NIPBL: variants seen among roughly 807,000 people sequenced by gnomAD.
The protein encoded by NIPBL is nipped-B-like protein.
NIPBL carries 19 observed loss-of-function variants against 321.8 expected under a neutral mutation model. The ratio of observed to expected loss-of-function variants is 0.06; its 90% CI spans 0.04 to 0.09. The LOEUF (loss-of-function observed/expected upper bound fraction) is 0.09, where lower values mean the gene tolerates loss of function less well. NIPBL is among the 10% of genes least tolerant of loss of function. The pLI is 1.00. For synonymous variants in NIPBL, 1,106 were observed against 1,114.1 expected, an observed-to-expected ratio of 0.99 and a Z score of 0.14; for missense variants, 2,210 against 3,327.0, an observed-to-expected ratio of 0.66 and a Z score of 8.26.
intron 1 of NIPBL, among the ~76,000 whole-genome samples, chr5:36,929,425 C>G (rs1749610736): frequency 1.3e-5 from 2 of 152,070 alleles, no homozygotes; most frequent in Non-Finnish European, 2.9e-5. Flanking sequence ...TTCTTGTTCA[C>G]TAGTGAGAGT....
intron 2 of NIPBL, among the ~76,000 whole-genome samples, chr5:36,954,328 T>C (rs1740709559): frequency 6.6e-6 from 1 of 152,220 alleles, no homozygotes; most frequent in South Asian, 2.1e-4. Context: ...CCATGTTCAG[T>C]ATCCTCCAAA....
chr5:37,015,673 G>A (rs201090336), intron 22 of NIPBL, among the ~76,000 whole-genome samples: 10 of 152,240 alleles, frequency 6.6e-5, no homozygotes, highest in Non-Finnish European at 1.2e-4. Flanking sequence ...GAGGGTTGCC[G>A]TAAGCCAAGA....
In NIPBL at chr5:37,008,849, A is replaced by G. The variant is rs114704308; in HGVS notation, c.4421+126A>G. 3,413 of 667,398 alleles carry G rather than the reference A, an allele frequency of 5.1e-3. 24 individuals carry two copies. The highest frequency in any genetic ancestry group is 7.4e-3 in the Non-Finnish European group (2,744 of 369,976). The allele number at this position is 667,398 out of a possible 1,614,324, so 41.3% of individuals were successfully genotyped here. A position where few individuals can be genotyped will look rare whatever the true frequency, so the allele number is the denominator to read the frequency against. On this transcript the variant is annotated intron_variant, in intron 20 of 46. Transcript: ENST00000282516. ...TTAAAAACTAGGCAGTTACATCAGAACAGCATGAAAAATAGATGTGTGAAA... is the reference window on the plus strand; with the variant it reads ...TTAAAAACTAGGCAGTTACATCAGAGCAGCATGAAAAATAGATGTGTGAAA...
At position 37,031,160 on chromosome 5, in the gene NIPBL, A is replaced by G. The variant is rs943655434; in HGVS notation, c.5862+3748A>G. Among the ~76,000 whole-genome samples the G allele has an allele frequency of 2.6e-5, 4 of 151,712 alleles. No homozygotes were observed. The South Asian group carries it at 8.3e-4, about 32-fold the overall frequency. ...CACCACGCCTGGCTAATTTTTTTAT[A>G]TCTTTAGTAGAGACGGGGTTTCACC... is the stretch of plus-strand genomic sequence containing the variant. On this transcript the variant is annotated intron_variant, in intron 32 of 46. Transcript: ENST00000282516.
At chr5:37,056,901 A>T (rs2303158) in intron 42 of NIPBL, among the ~76,000 whole-genome samples, 141 of 152,000 alleles carry the variant, frequency 9.3e-4, no homozygotes, top group South Asian at 2.1e-3. Context: ...TTATAAAATT[A>T]AAAAAAATGG....
chr5:36,968,400 G>A (rs1742477191), intron 6 of NIPBL, among the ~76,000 whole-genome samples: 1 of 151,878 alleles, frequency 6.6e-6, no homozygotes, highest in South Asian at 2.1e-4. Context: ...AAACCCGTGT[G>A]TACTAAAAAT....
At chr5:36,884,108 G>A (rs1745706287) in intron 1 of NIPBL, among the ~76,000 whole-genome samples, 1 of 151,928 alleles carries the variant, frequency 6.6e-6, no homozygotes, top group African/African-American at 2.4e-5. Flanking sequence ...CATGACATAC[G>A]CTTTTATTTA....
At chr5:37,028,409 C>T (rs908407122) in intron 32 of NIPBL, among the ~76,000 whole-genome samples, 14 of 140,974 alleles carry the variant, frequency 9.9e-5, no homozygotes, top group South Asian at 2.2e-4. Context: ...CCATCTTGGC[C>T]GGCTCACTGC....
chr5:36,941,512 C>CAA (rs777774119), intron 1 of NIPBL, among the ~76,000 whole-genome samples: 14 of 91,466 alleles, frequency 1.5e-4, no homozygotes, highest in Admixed American at 5.6e-4. Context: ...AACCCAGAAC[C>CAA]AAAAAAAAAA....
intron 29 of NIPBL, among the ~76,000 whole-genome samples, chr5:37,023,460 C>T (rs942457661): frequency 6.6e-6 from 1 of 152,076 alleles, no homozygotes; most frequent in Non-Finnish European, 1.5e-5. Flanking sequence ...TTGTACCTAC[C>T]TCCATACTTC....
chr5:36,984,834 G>A lies in NIPBL; in HGVS notation c.1654G>A (p.Asp552Asn). 1 of 1,613,822 alleles carries A rather than the reference G, an allele frequency of 6.2e-7. No homozygotes were observed. Among genetic ancestry groups the A allele is most frequent in the Non-Finnish European group, 8.5e-7 (1 of 1,179,848 alleles). Residue 552 changes from aspartate to asparagine, a missense_variant, in exon 10 of 47, where the codon GAC becomes AAC. This residue lies in a region of NIPBL where 588 missense variants were observed against 564.1 expected (regional missense o/e 1.04). Coordinates refer to ENST00000282516, the MANE Select transcript of NIPBL (RefSeq NM_133433.4). ...SIDLHQAGRV[D>N]SQASITQDSD... Reference sequence around the variant, plus strand: ...TGATCTTCATCAGGCAGGAAGAGTGGACTCTCAGGCTTCTATAACTCAGGA... The same window carrying A: ...TGATCTTCATCAGGCAGGAAGAGTGAACTCTCAGGCTTCTATAACTCAGGA...
chr5:37,033,392 T>C (rs1249949777), intron 32 of NIPBL, among the ~76,000 whole-genome samples: 1 of 151,978 alleles, frequency 6.6e-6, no homozygotes, highest in African/African-American at 2.4e-5. Flanking sequence ...AGAGCAGTAA[T>C]AAGTAGATTA....
chr5:36,991,749 T>TC (rs1745543325), intron 10 of NIPBL, among the ~76,000 whole-genome samples: 1 of 151,510 alleles, frequency 6.6e-6, no homozygotes, highest in African/African-American at 2.4e-5. Flanking sequence ...GCCCAAGTTT[T>TC]TTTTTTTTTT....
Position 36,953,652 on chromosome 5 carries a change from C to A in NIPBL, c.-45C>A. 6.5e-7 allele frequency: 1 copy of A among 1,529,114 alleles called. No individual in the cohort carries two copies. The highest frequency in any genetic ancestry group is 9.1e-7 in the Non-Finnish European group (1 of 1,102,656). The allele number at this position is 1,529,114 out of a possible 1,614,324, so 94.7% of individuals were successfully genotyped here. ...AATGGGAAGTAATGACAGCTGGCAC[C>A]TGAACTAAGTACTTTTATAGGCAAC... On this transcript the variant is annotated 5_prime_UTR_variant, in exon 2 of 47. It adds an upstream start codon to the 5' untranslated region. Coordinates refer to ENST00000282516, the MANE Select transcript of NIPBL (RefSeq NM_133433.4).
At chr5:37,008,414 A>T (rs1159670176) in intron 19 of NIPBL, among the ~76,000 whole-genome samples, 4 of 152,148 alleles carry the variant, frequency 2.6e-5, no homozygotes, top group Non-Finnish European at 5.9e-5. Context: ...GCCTATAGCC[A>T]AGATTTCATA....
intron 34 of NIPBL, among the ~76,000 whole-genome samples, chr5:37,042,812 C>A (rs1173494378): frequency 2.1e-5 from 3 of 145,280 alleles, no homozygotes; most frequent in Non-Finnish European, 4.5e-5. Context: ...GATGACAGAG[C>A]GAGACTCCGT....
At chr5:36,974,690 A>C (rs750221512) in intron 8 of NIPBL, among the ~76,000 whole-genome samples, 12 of 151,974 alleles carry the variant, frequency 7.9e-5, no homozygotes, top group Non-Finnish European at 1.3e-4. Flanking sequence ...TAGAGTCAAT[A>C]AATAAAGTTG....
At chr5:37,014,480 C>G (rs1445412827) in intron 21 of NIPBL, among the ~76,000 whole-genome samples, 1 of 151,998 alleles carries the variant, frequency 6.6e-6, no homozygotes, top group Non-Finnish European at 1.5e-5. Flanking sequence ...TAATAACACT[C>G]TATCTGTATT....
chr5:37,039,560 A>G (rs1001206186), intron 34 of NIPBL, among the ~76,000 whole-genome samples: 3 of 152,092 alleles, frequency 2.0e-5, no homozygotes. Context: ...TGTTTTACAG[A>G]TAAGGAAACT....
Sources: gnomAD v4.1 joint callset for allele counts (sites outside exome capture counted in the v4.1 genomes callset) on GRCh38, gnomAD v4.1.1 for gene constraint, gnomAD v4.1.1 regional missense constraint, MANE v1.5 for transcripts, NCBI Gene and HGNC (gene_info 2026-07-23, HGNC 2026-07-21) for gene names.